The following HABP4 variants were observed in gnomAD, a reference collection of about 807,000 sequenced individuals.
The protein encoded by HABP4 is hyaluronan binding protein 4.
A neutral mutation model predicts 44.1 loss-of-function variants in HABP4; 32 were observed. The observed-to-expected ratio is 0.73, with a 90% CI of 0.55 to 0.97. HABP4 has a LOEUF of 0.97. HABP4 is among the 50% of genes least tolerant of loss of function. The pLI, the probability that HABP4 is intolerant of heterozygous loss-of-function variation, is 0.00. For synonymous variants in HABP4, 216 were observed against 218.0 expected, an observed-to-expected ratio of 0.99 and a Z score of 0.08; for missense variants, 503 against 561.9, an observed-to-expected ratio of 0.90 and a Z score of 1.06.
intron 4 of HABP4, among the ~76,000 whole-genome samples, chr9:96,470,180 G>A (rs1435491058): frequency 6.6e-6 from 1 of 152,094 alleles, no homozygotes; most frequent in African/African-American, 2.4e-5. Context: ...ATGGTGGTGT[G>A]CGCCTGTAGT....
At chr9:96,471,168 G>A (rs1832692266) in intron 5 of HABP4, 74 bp downstream of exon 5, 1 of 840,752 alleles carries the variant, frequency 1.2e-6, no homozygotes, top group Non-Finnish European at 2.0e-6. Context: ...TTTTGAGATG[G>A]AACTTGCTTT....
chr9:96,458,623 T>TTTA, intron 2 of HABP4, 82 bp downstream of exon 2: 1 of 949,612 alleles, frequency 1.1e-6, no homozygotes, highest in Non-Finnish European at 1.6e-6. Flanking sequence ...CTTTTCTTTC[T>TTTA]TTCTTTTTTT....
intron 5 of HABP4, among the ~76,000 whole-genome samples, chr9:96,480,951 G>A (rs749101079): frequency 9.5e-4 from 144 of 152,268 alleles, no homozygotes; most frequent in Non-Finnish European, 1.6e-3. Flanking sequence ...TGGATGCTCT[G>A]TGGTTAGGTT....
At chr9:96,480,575 A>G (rs969616887) in intron 5 of HABP4, among the ~76,000 whole-genome samples, 1 of 152,238 alleles carries the variant, frequency 6.6e-6, no homozygotes, top group Non-Finnish European at 1.5e-5. Flanking sequence ...TACCATTTAT[A>G]TCTTATATAT....
chr9:96,452,747 G>A (rs1486618300), intron 1 of HABP4, among the ~76,000 whole-genome samples: 1 of 152,046 alleles, frequency 6.6e-6, no homozygotes, highest in Non-Finnish European at 1.5e-5. Context: ...TGTAACCCTA[G>A]TTGATAAGAA....
At chr9:96,485,155 C>T (rs550273310) in intron 6 of HABP4, among the ~76,000 whole-genome samples, 5 of 152,110 alleles carry the variant, frequency 3.3e-5, no homozygotes, top group African/African-American at 7.2e-5. Flanking sequence ...CGGGTTCAAG[C>T]GATTCTCGTG....
At chr9:96,458,245 GT>G in intron 1 of HABP4, 133 bp from the exon 2 acceptor site, 1 of 925,476 alleles carries the variant, frequency 1.1e-6, no homozygotes, top group East Asian at 2.4e-5. Context: ...TTTCTTTGAA[GT>G]TTTCTAAACT....
chr9:96,471,093 A>G lies in HABP4; in HGVS notation c.826A>G (p.Lys276Glu). The G allele has an allele frequency of 1.3e-6, 2 of 1,517,902 alleles. No individual in the cohort carries two copies. The highest frequency in any genetic ancestry group is 1.1e-5 in the South Asian group (1 of 89,144). 94.0% of individuals were successfully genotyped at this position (1,517,902 alleles called of 1,614,324 possible). Residue 276 changes from lysine (K) to glutamate (E), a missense_variant and splice_region_variant, in exon 5 of 8, where the codon AAA becomes GAA. Lys to Glu is a moderately conservative substitution (Grantham distance 56). Transcript: ENST00000375249. ...QGTPEEESPA[K>E]VPELEVEEET... ...CACCCCGGAAGAGGAGTCTCCAGCC[A>G]AGTAGGGCATTTTGTTCATTCCCCA...
intron 5 of HABP4, 135 bp downstream of exon 5, chr9:96,471,229 A>G (rs1386067808): frequency 6.5e-6 from 4 of 613,010 alleles, no homozygotes; most frequent in Admixed American, 5.1e-5. Context: ...TGCAACCTCC[A>G]CTTCCTGGGT....
At chr9:96,482,160 G>A (rs1016976223) in intron 5 of HABP4, among the ~76,000 whole-genome samples, 1 of 151,978 alleles carries the variant, frequency 6.6e-6, no homozygotes, top group East Asian at 1.9e-4. Flanking sequence ...GGCTGGTCTC[G>A]AACTCCTGAC....
At chr9:96,464,099 G>A (rs1337923416) in intron 2 of HABP4, among the ~76,000 whole-genome samples, 1 of 152,192 alleles carries the variant, frequency 6.6e-6, no homozygotes. Flanking sequence ...TCCAGGCTCT[G>A]ATGTGGCAGA....
At chr9:96,458,598 T>C (rs2131120046) in intron 2 of HABP4, 57 bp downstream of exon 2, 2 of 1,150,000 alleles carry the variant, frequency 1.7e-6, no homozygotes, top group African/African-American at 1.6e-5. Context: ...TTTGAGAAAA[T>C]GCTACTTTCT....
chr9:96,461,982 C>A (rs1309465444), intron 2 of HABP4, among the ~76,000 whole-genome samples: 1 of 151,370 alleles, frequency 6.6e-6, no homozygotes, highest in East Asian at 1.9e-4. Flanking sequence ...CATAGTGAAT[C>A]CCCGCCTTAT....
At chr9:96,474,418 T>C (rs540624983) in intron 5 of HABP4, among the ~76,000 whole-genome samples, 9 of 152,334 alleles carry the variant, frequency 5.9e-5, no homozygotes, top group African/African-American at 2.2e-4. Context: ...TTCTAATCTA[T>C]AGAATTGATT....
At chr9:96,463,995 C>T (rs1214040668) in intron 2 of HABP4, among the ~76,000 whole-genome samples, 1 of 152,100 alleles carries the variant, frequency 6.6e-6, no homozygotes, top group East Asian at 1.9e-4. Flanking sequence ...TGAAAAAGAG[C>T]TTAGAGCTTA....
chr9:96,473,578 C>G (rs1832731365), intron 5 of HABP4, among the ~76,000 whole-genome samples: 1 of 152,180 alleles, frequency 6.6e-6, no homozygotes, highest in Admixed American at 6.5e-5. Flanking sequence ...GCTTAAGACC[C>G]TCCAATGTCT....
chr9:96,485,397 C>G lies in HABP4; in HGVS notation c.999+764C>G, dbSNP rs1832956752. Among the ~76,000 whole-genome samples, 3 of 152,222 alleles carry G rather than the reference C, an allele frequency of 2.0e-5. No individual in the cohort carries two copies. In the South Asian group the frequency reaches 6.2e-4, roughly 31 times the overall value. On this transcript the variant is annotated intron_variant, in intron 6 of 7. Coordinates refer to ENST00000375249, the MANE Select transcript of HABP4 (RefSeq NM_014282.4). ...ACTGTGGTTGAGGTTCCATGCACTT[C>G]TGACGCCTTTCCCATGTTGGTTCAG...
chr9:96,451,553 A>G (rs1292309966), intron 1 of HABP4: 2 of 771,612 alleles, frequency 2.6e-6, no homozygotes, highest in African/African-American at 1.9e-5. Context: ...AGTGTGTTCA[A>G]CTTGGCTTTA....
chr9:96,490,120 T>C lies in HABP4; in HGVS notation c.*82T>C. On this transcript the variant is annotated 3_prime_UTR_variant, in exon 8 of 8. Coordinates refer to ENST00000375249, the MANE Select transcript of HABP4 (RefSeq NM_014282.4). ...TCCAGCTGGGCCAAGGGAGTCAGAC[T>C]CTAAGAACAATAGATGTTGCTTTTC... is the stretch of plus-strand genomic sequence containing the variant. The C allele has an allele frequency of 1.2e-6, 1 of 847,676 alleles. No individual in the cohort carries two copies. The highest frequency in any genetic ancestry group is 2.1e-6 in the Non-Finnish European group (1 of 485,592). The allele number at this position is 847,676 out of a possible 1,614,324, so 52.5% of individuals were successfully genotyped here.
Sources: gnomAD v4.1 joint callset for allele counts (sites outside exome capture counted in the v4.1 genomes callset) on GRCh38, gnomAD v4.1.1 for gene constraint, MANE v1.5 for transcripts, NCBI Gene and HGNC (gene_info 2026-07-23, HGNC 2026-07-21) for gene names.